Variants in EZH1 observed in about 807,000 individuals in gnomAD.
EZH1 encodes the protein histone-lysine N-methyltransferase EZH1.
In EZH1, 33 loss-of-function variants were observed where a neutral mutation model predicts 100.5. The ratio of observed to expected loss-of-function variants is 0.33; its 90% CI spans 0.25 to 0.44. The LOEUF (loss-of-function observed/expected upper bound fraction) is 0.44, where lower values mean the gene tolerates loss of function less well. Ranked by LOEUF, EZH1 falls within the 20% of genes least tolerant of loss-of-function variation. EZH1 has a pLI of 1.00. For missense variants in EZH1, 475 were observed against 928.4 expected, an observed-to-expected ratio of 0.51 and a Z score of 6.35; for synonymous variants, 272 against 313.8, an observed-to-expected ratio of 0.87 and a Z score of 1.41.
In EZH1 at chr17:42,702,425, T is replaced by G. The variant is rs1597818252; in HGVS notation, c.*107A>C. ...ACTACAGAGGGAGTGGGTTGGGGGG[T>G]TTCTCAGTGTGGGAGACACAGTGCA... On this transcript the variant is annotated 3_prime_UTR_variant, in exon 21 of 21. Transcript: ENST00000428826. The G allele has an allele frequency of 1.1e-6, 1 of 934,828 alleles. No homozygotes were observed. Among genetic ancestry groups the G allele is most frequent in the Non-Finnish European group, 1.6e-6 (1 of 618,930 alleles). 57.9% of individuals were successfully genotyped at this position (934,828 alleles called of 1,614,324 possible).
rs1483004454 is a variant in EZH1 at position 42,720,439 on chromosome 17, A to G, written c.498T>C (p.Pro166=). Residue 166 remains proline (P), a synonymous_variant, in exon 7 of 21, where the codon CCT becomes CCC. Transcript: ENST00000428826. ...GKVHGEEEMI[P]GSVLISDAVF... is the part of the protein sequence containing the mutation. The stretch of plus-strand genomic sequence containing the variant: ...CAGCATCACTAATCAGAACGGATCC[A>G]GGGATCATCTCTGAAACATGAGGAT... The G allele has an allele frequency of 6.2e-7, 1 of 1,608,408 alleles. No individual in the cohort carries two copies. Among genetic ancestry groups the G allele is most frequent in the Non-Finnish European group, 8.5e-7 (1 of 1,178,244 alleles).
intron 1 of EZH1, among the ~76,000 whole-genome samples, chr17:42,740,314 A>G (rs533513824): frequency 4.1e-4 from 61 of 148,942 alleles, no homozygotes; most frequent in African/African-American, 1.5e-3. Flanking sequence ...ATCTCAGCTC[A>G]CTGCAACCTC....
intron 6 of EZH1, among the ~76,000 whole-genome samples, chr17:42,720,800 C>T (rs570774813): frequency 2.6e-5 from 4 of 152,224 alleles, no homozygotes; most frequent in South Asian, 2.1e-4. Context: ...GCTGAGATTA[C>T]GCATGTGCCA....
At chr17:42,711,940 G>A (rs924991918) in intron 12 of EZH1, among the ~76,000 whole-genome samples, 1 of 152,138 alleles carries the variant, frequency 6.6e-6, no homozygotes, top group African/African-American at 2.4e-5. Context: ...TCATTAACAA[G>A]AGCCACAGAA....
chr17:42,719,118 C>G lies in EZH1; in HGVS notation c.754G>C (p.Asp252His). The change falls in exon 8 of 21, where the codon GAC becomes CAC. Residue 252 changes from aspartate to histidine, a missense_variant. By Grantham distance (81) the Asp-to-His change is moderately conservative. This residue lies in a region of EZH1 where 180 missense variants were observed against 295.3 expected (regional missense o/e 0.61). Transcript: ENST00000428826. ...AGCTTTCCCTACCTCTCCTTCATGT[C>G]ATCTGGGACACCATTCTCAGGGAAC... ...SMFPENGVPD[D>H]MKERYRELTE... The G allele has an allele frequency of 6.2e-7, 1 of 1,613,684 alleles. No individual in the cohort carries two copies. The highest frequency in any genetic ancestry group is 8.5e-7 in the Non-Finnish European group (1 of 1,179,634).
intron 13 of EZH1, 56 bp from the exon 14 acceptor site, chr17:42,708,972 G>T: frequency 1.2e-6 from 2 of 1,601,612 alleles, no homozygotes; most frequent in Non-Finnish European, 1.7e-6. Flanking sequence ...CTCTGCAAAT[G>T]CAGGTAAATG....
At position 42,736,058 on chromosome 17, in the gene EZH1, G is replaced by C. The variant is rs1338527596; in HGVS notation, c.-102-5140C>G. On this transcript the variant is annotated intron_variant, in intron 1 of 20. Transcript: ENST00000428826. The stretch of plus-strand genomic sequence containing the variant: ...AGGAATGGCAAATGAGCACACAAAA[G>C]GTTGCTCCATATCATTAGTCATTAG... 2.6e-5 allele frequency among the ~76,000 whole-genome samples: 4 copies of C among 151,866 alleles called. No homozygotes were observed. In the East Asian group the frequency reaches 7.7e-4, roughly 29 times the overall value.
intron 17 of EZH1, 132 bp downstream of exon 17, chr17:42,704,956 T>G: frequency 5.2e-6 from 4 of 768,456 alleles, no homozygotes; most frequent in Non-Finnish European, 8.5e-6. Context: ...CTGTGGGATC[T>G]CCCCAAGAGG....
intron 4 of EZH1, among the ~76,000 whole-genome samples, chr17:42,726,719 G>A (rs2143824822): frequency 6.6e-6 from 1 of 152,012 alleles, no homozygotes; most frequent in Non-Finnish European, 1.5e-5. Context: ...TCACCATGTT[G>A]GCCAGCCTGG....
chr17:42,721,757 C>T (rs2053710660), intron 6 of EZH1, among the ~76,000 whole-genome samples: 1 of 151,946 alleles, frequency 6.6e-6, no homozygotes, highest in Admixed American at 6.6e-5. Flanking sequence ...CTCTTGTAAT[C>T]CCAGAGCTTT....
At chr17:42,733,674 GC>G (rs2143859743) in intron 1 of EZH1, among the ~76,000 whole-genome samples, 1 of 150,826 alleles carries the variant, frequency 6.6e-6, no homozygotes, top group African/African-American at 2.4e-5. Context: ...GGGCAGGGTG[GC>G]TGACGTCTGT....
intron 16 of EZH1, 168 bp downstream of exon 16, chr17:42,705,839 T>C: frequency 1.3e-6 from 1 of 753,186 alleles, no homozygotes; most frequent in Non-Finnish European, 2.0e-6. Flanking sequence ...TTCTAAGCCC[T>C]ACTGGGACTG....
At position 42,720,457 on chromosome 17, in the gene EZH1, A is replaced by G. The variant is rs201423134; in HGVS notation, c.488-8T>C. The G allele has an allele frequency of 2.6e-5, 41 of 1,601,632 alleles. No individual in the cohort carries two copies. In the Admixed American group the frequency reaches 6.7e-4, roughly 26 times the overall value. ...CGGATCCAGGGATCATCTCTGAAAC[A>G]TGAGGATTCGAAAGATGAGCAGTGG... On this transcript the variant is annotated splice_region_variant and splice_polypyrimidine_tract_variant and intron_variant, in intron 6 of 20. Coordinates refer to ENST00000428826, the MANE Select transcript of EZH1 (RefSeq NM_001991.5).
chr17:42,715,030 AAATAT>A (rs1395176141), intron 10 of EZH1, among the ~76,000 whole-genome samples: 1 of 139,848 alleles, frequency 7.2e-6, no homozygotes, highest in Admixed American at 7.6e-5. Flanking sequence ...TAATTTATGT[AAATAT>A]AATTTATATA....
At chr17:42,728,306 G>T (rs1175803356) in intron 3 of EZH1, among the ~76,000 whole-genome samples, 1 of 148,868 alleles carries the variant, frequency 6.7e-6, no homozygotes. Context: ...TAGAGACGAG[G>T]TTTCACCAGG....
chr17:42,708,510 CCAGGCATGGTGGTA>C (rs1368990635), intron 14 of EZH1, among the ~76,000 whole-genome samples: 3 of 152,118 alleles, frequency 2.0e-5, no homozygotes, highest in Non-Finnish European at 4.4e-5. Context: ...CAAAAATTAG[CCAGGCATGGTGGTA>C]CATGCCTGTA....
intron 1 of EZH1, among the ~76,000 whole-genome samples, chr17:42,738,666 G>A (rs912346779): frequency 4.0e-5 from 6 of 150,826 alleles, no homozygotes; most frequent in Admixed American, 1.3e-4. Flanking sequence ...TGGCCAGGCT[G>A]GTCTGGAACT....
At chr17:42,717,881 T>C (rs1567993107) in intron 10 of EZH1, 95 bp downstream of exon 10, 5 of 1,090,762 alleles carry the variant, frequency 4.6e-6, no homozygotes, top group Non-Finnish European at 6.9e-6. Context: ...CATGTTTTAT[T>C]TGTGCTATAT....
At chr17:42,704,750 C>G (rs1336028216) in intron 17 of EZH1, 67 bp from the exon 18 acceptor site, 1 of 1,257,854 alleles carries the variant, frequency 8.0e-7, no homozygotes. Context: ...TACCCTGCCC[C>G]CAGAAAGGGC....
Sources: allele counts gnomAD v4.1 joint callset (sites outside exome capture counted in the v4.1 genomes callset), GRCh38; gene constraint gnomAD v4.1.1; regional missense constraint gnomAD v4.1.1; transcripts MANE v1.5; gene names NCBI Gene and HGNC (gene_info 2026-07-23, HGNC 2026-07-21).